Variants in COL28A1 observed in about 807,000 individuals in gnomAD.
COL28A1 encodes collagen type XXVIII alpha 1 chain, also known as collagen alpha-1(XXVIII) chain.
A neutral mutation model predicts 150.2 loss-of-function variants in COL28A1; 161 were observed. That is an observed-to-expected ratio of 1.07 (90% CI 0.94 to 1.22). COL28A1 has a LOEUF of 1.22. Among genes scored for constraint, COL28A1 ranks in the 50% most tolerant of loss-of-function variants. The probability of loss-of-function intolerance (pLI) is 0.00; values close to 1 mark genes in which losing one functional copy is unlikely to be tolerated. For synonymous variants in COL28A1, 552 were observed against 469.7 expected, an observed-to-expected ratio of 1.18 and a Z score of -2.26; for missense variants, 1,617 against 1,388.3, an observed-to-expected ratio of 1.16 and a Z score of -2.62.
chr7:7,456,060 C>T lies in COL28A1; in HGVS notation c.1355G>A (p.Gly452Glu), dbSNP rs544763173. The change falls in exon 16 of 35, where the codon GGG becomes GAG. Residue 452 changes from glycine to glutamate, a missense_variant. By Grantham distance (98) the Gly-to-Glu change is moderately conservative. Transcript: ENST00000399429. ...PQGPMGIPGI[G>E]SQGEQGIQGP... ...ATTAATTACCTGTTCCCCTTGACTC[C>T]CGATTCCAGGGATACCCATTGGTCC... 7 of 1,613,880 alleles carry T rather than the reference C, an allele frequency of 4.3e-6. No individual in the cohort carries two copies. In the South Asian group the frequency reaches 6.6e-5, roughly 15 times the overall value.
Position 7,437,420 on chromosome 7 carries a change from A to C in COL28A1, c.1765T>G (p.Ser589Ala), listed in dbSNP as rs1785423061. ...TTTGGCCCAGGTGGTCCAGGAATTG[A>C]TGTTCCAGGCATTCCAAAAGGGCCC... is the stretch of plus-strand genomic sequence containing the variant. ...IMGPFGMPGTSIPGPPGPKGD... is the reference protein window; with the variant it reads ...IMGPFGMPGTAIPGPPGPKGD... The change falls in exon 22 of 35, where the codon TCA becomes GCA. Residue 589 changes from serine to alanine, a missense_variant. Ser to Ala is a moderately conservative substitution (Grantham distance 99, BLOSUM62 1). Coordinates refer to ENST00000399429, the MANE Select transcript of COL28A1 (RefSeq NM_001037763.3). 6.2e-7 allele frequency: 1 copy of C among 1,613,504 alleles called. No homozygotes were observed. The highest frequency in any genetic ancestry group is 8.5e-7 in the Non-Finnish European group (1 of 1,179,866).
chr7:7,380,780 G>T lies in COL28A1; in HGVS notation c.2286+2C>A. 2 of 1,613,298 alleles carry T rather than the reference G, an allele frequency of 1.2e-6. No homozygotes were observed. The highest frequency in any genetic ancestry group is 1.7e-6 in the Non-Finnish European group (2 of 1,179,330). ...CACAGTGAGACATTAAAAACTACTT[G>T]CCTGTTTTCCTGGAGATCCAGGCTC... On this transcript the variant is annotated splice_donor_variant, in intron 29 of 34. Transcript: ENST00000399429. LOFTEE classifies it high-confidence loss of function.
chr7:7,541,633 TG>T, the COL28A1 span, among the ~76,000 whole-genome samples: 1 of 152,182 alleles, frequency 6.6e-6, no homozygotes, highest in Non-Finnish European at 1.5e-5. Flanking sequence ...TGTGAGAGTT[TG>T]TCAACTATTG....
At chr7:7,446,148 G>A (rs925899374) in intron 18 of COL28A1, among the ~76,000 whole-genome samples, 15 of 152,054 alleles carry the variant, frequency 9.9e-5, no homozygotes, top group Admixed American at 2.6e-4. Context: ...GTGAGCCACC[G>A]TGCCTGGCCA....
At chr7:7,527,505 G>A (rs1317902244) in intron 3 of COL28A1, among the ~76,000 whole-genome samples, 1 of 152,204 alleles carries the variant, frequency 6.6e-6, no homozygotes, top group African/African-American at 2.4e-5. Context: ...AAAGGGAGTG[G>A]ATGGAAGGGC....
intron 33 of COL28A1, among the ~76,000 whole-genome samples, chr7:7,364,816 C>A (rs956675577): frequency 2.0e-5 from 3 of 151,922 alleles, no homozygotes; most frequent in Middle Eastern, 3.4e-3. Flanking sequence ...TTTTTTCTTT[C>A]TTTTCTTCTT....
rs549649565 is a variant in COL28A1 at position 7,531,042 on chromosome 7, T to C, written c.681+306A>G. ...GAATATAAGTCAGCAATGTTCATGATTGTAGGCTGTATAAACAGGAGCTTA... is the reference window on the plus strand; with the variant it reads ...GAATATAAGTCAGCAATGTTCATGACTGTAGGCTGTATAAACAGGAGCTTA... On this transcript the variant is annotated intron_variant, in intron 3 of 34. Coordinates refer to ENST00000399429, the MANE Select transcript of COL28A1 (RefSeq NM_001037763.3). Among the ~76,000 whole-genome samples the C allele has an allele frequency of 1.7e-4, 26 of 152,240 alleles. 1 individual carries two copies. The South Asian group carries it at 5.0e-3, about 29-fold the overall frequency.
At chr7:7,413,869 T>C (rs1011616732) in intron 27 of COL28A1, among the ~76,000 whole-genome samples, 1 of 152,198 alleles carries the variant, frequency 6.6e-6, no homozygotes, top group South Asian at 2.1e-4. Flanking sequence ...CATTTATGCA[T>C]AGGAAGAGTT....
At chr7:7,344,016 T>TAA in the COL28A1 span, among the ~76,000 whole-genome samples, 1 of 146,340 alleles carries the variant, frequency 6.8e-6, no homozygotes, top group East Asian at 2.0e-4. Flanking sequence ...AAAATAAAAA[T>TAA]AAAAAAAAAA....
At position 7,405,937 on chromosome 7, in the gene COL28A1, G is replaced by A. The variant is rs189884063; in HGVS notation, c.2136+11922C>T. Among the ~76,000 whole-genome samples, 4 of 152,128 alleles carry A rather than the reference G, an allele frequency of 2.6e-5. No individual in the cohort carries two copies. In the South Asian group the frequency reaches 6.2e-4, roughly 24 times the overall value. The stretch of plus-strand genomic sequence containing the variant: ...TTTACTAAATATATACCCTATCATG[G>A]GGCAAAACCAAAGCATATAAAAGAA... On this transcript the variant is annotated intron_variant, in intron 27 of 34. Transcript: ENST00000399429.
the COL28A1 span, among the ~76,000 whole-genome samples, chr7:7,349,414 T>C: frequency 5.9e-5 from 9 of 152,138 alleles, no homozygotes; most frequent in Non-Finnish European, 1.3e-4. Flanking sequence ...TTACTGGCTT[T>C]GGGTAGTTTC....
intron 27 of COL28A1, among the ~76,000 whole-genome samples, chr7:7,394,246 A>G (rs1583282761): frequency 6.6e-6 from 1 of 150,980 alleles, no homozygotes. Flanking sequence ...ACTTCAACTC[A>G]CCCTCTGTGT....
chr7:7,472,028 A>G (rs181050632), intron 15 of COL28A1, among the ~76,000 whole-genome samples: 1 of 152,354 alleles, frequency 6.6e-6, no homozygotes, highest in African/African-American at 2.4e-5. Context: ...ACCTCAAGGT[A>G]ATAACAACCA....
intron 6 of COL28A1, 60 bp downstream of exon 6, chr7:7,520,002 T>TA: frequency 1.2e-6 from 1 of 839,266 alleles, no homozygotes; most frequent in South Asian, 1.6e-5. Context: ...AATTGTTGTT[T>TA]TAAAAAAAAA....
intron 14 of COL28A1, 57 bp from the exon 15 acceptor site, chr7:7,474,726 G>A (rs1363865477): frequency 9.5e-6 from 8 of 844,502 alleles, no homozygotes; most frequent in African/African-American, 1.7e-5. Context: ...TTTTAAAAGA[G>A]TTTACATTAC....
Position 7,373,481 on chromosome 7 carries a change from C to A in COL28A1, c.2425G>T (p.Val809Leu), listed in dbSNP as rs756173554. 2 of 1,614,062 alleles carry A rather than the reference C, an allele frequency of 1.2e-6. No individual in the cohort carries two copies. The highest frequency in any genetic ancestry group is 8.5e-7 in the Non-Finnish European group (1 of 1,180,016). ...ATGATCTGAAAGTTCTCTGGCCCCA[C>A]GCTTTCTGAGCTGTCGATCACAAAC... ...LVFVIDSSES[V>L]GPENFQIIKN... is the part of the protein sequence containing the mutation. The change falls in exon 32 of 35, where the codon GTG (valine) becomes TTG (leucine). Residue 809 changes from valine to leucine, a missense_variant. Val to Leu is a conservative substitution (Grantham distance 32, BLOSUM62 1). Transcript: ENST00000399429. This position sits in a 1 kb window ranked among gnomAD's most constrained non-coding sequence, Gnocchi z 4.1.
intron 3 of COL28A1, among the ~76,000 whole-genome samples, chr7:7,526,877 C>G (rs1782053468): frequency 6.6e-6 from 1 of 152,146 alleles, no homozygotes; most frequent in South Asian, 2.1e-4. Context: ...TCAAGTGATC[C>G]ACCCACCTTG....
intron 33 of COL28A1, among the ~76,000 whole-genome samples, chr7:7,364,599 T>C (rs1242983132): frequency 6.6e-6 from 1 of 152,196 alleles, no homozygotes; most frequent in Non-Finnish European, 1.5e-5. Flanking sequence ...CTCATCTCCA[T>C]GCTCCTATGT....
downstream of COL28A1, among the ~76,000 whole-genome samples, chr7:7,354,029 A>AT (rs199877243): frequency 2.7e-4 from 40 of 148,642 alleles, no homozygotes; most frequent in East Asian, 5.9e-4. Flanking sequence ...AGAAAAAAAA[A>AT]TTTTTTTTTT....
Sources: allele counts gnomAD v4.1 joint callset (sites outside exome capture counted in the v4.1 genomes callset), GRCh38; gene constraint gnomAD v4.1.1; non-coding constraint Gnocchi (gnomAD v3.1); transcripts MANE v1.5; gene names NCBI Gene and HGNC (gene_info 2026-07-23, HGNC 2026-07-21).